Variants in PDIK1L observed in about 807,000 individuals in gnomAD.
The protein encoded by PDIK1L is serine/threonine-protein kinase PDIK1L.
In PDIK1L, 9 loss-of-function variants were observed where a neutral mutation model predicts 27.1. The ratio of observed to expected loss-of-function variants is 0.33; its 90% CI spans 0.20 to 0.58. The LOEUF (loss-of-function observed/expected upper bound fraction) is 0.58, where lower values mean the gene tolerates loss of function less well. PDIK1L is among the 20% of genes least tolerant of loss of function. The probability of loss-of-function intolerance (pLI) is 0.86; values close to 1 mark genes in which losing one functional copy is unlikely to be tolerated. For missense variants in PDIK1L, 216 were observed against 413.2 expected (o/e 0.52, Z 4.14); for synonymous variants, 130 against 141.7 (o/e 0.92, Z 0.59).
At chr1:26,112,845 C>G (rs2087819176) in intron 1 of PDIK1L, among the ~76,000 whole-genome samples, 1 of 152,242 alleles carries the variant, frequency 6.6e-6, no homozygotes, top group African/African-American at 2.4e-5. Flanking sequence ...TGGTCACAAT[C>G]TACAAATGAG....
At chr1:26,119,645 G>A (rs892714813) in intron 2 of PDIK1L, among the ~76,000 whole-genome samples, 2 of 152,142 alleles carry the variant, frequency 1.3e-5, no homozygotes, top group African/African-American at 2.4e-5. Context: ...CGGATCACAA[G>A]GTCAATACAT....
intron 2 of PDIK1L, among the ~76,000 whole-genome samples, chr1:26,119,814 G>A (rs766239695): frequency 7.9e-5 from 12 of 152,208 alleles, no homozygotes; most frequent in East Asian, 7.7e-4. Context: ...AGCCGAGATC[G>A]CGCCACTGCA....
In PDIK1L at chr1:26,114,566, C is replaced by T. The variant is rs370757336; in HGVS notation, c.258C>T (p.His86=). ...QKDGMVQKMS[H]GSNSSLYLQL... is the part of the protein sequence containing the mutation. Reference sequence around the variant, plus strand: ...ATGGGATGGTGCAAAAGATGTCCCACGGCTCTAATTCTTCCCTTTATTTAC... The same window carrying T: ...ATGGGATGGTGCAAAAGATGTCCCATGGCTCTAATTCTTCCCTTTATTTAC... Residue 86 remains histidine, a synonymous_variant, in exon 2 of 3, where the codon CAC becomes CAT. Coordinates refer to ENST00000374269, the MANE Select transcript of PDIK1L (RefSeq NM_152835.5). The surrounding 1 kb of genome is among the most constrained non-coding windows in gnomAD (Gnocchi z 4.8). The T allele has an allele frequency of 1.0e-4, 164 of 1,613,832 alleles. No individual in the cohort carries two copies. The highest frequency in any genetic ancestry group is 1.3e-4 in the Non-Finnish European group (156 of 1,179,880).
At chr1:26,113,095 C>T (rs17257100) in intron 1 of PDIK1L, among the ~76,000 whole-genome samples, 25,199 of 152,108 alleles carry the variant, frequency 0.17, 2,265 homozygotes, top group Middle Eastern at 0.23. Flanking sequence ...TGTCTTATGA[C>T]TAGGAAAAAG....
chr1:26,121,754 T>C lies in PDIK1L; in HGVS notation c.286-83T>C, dbSNP rs1464363795. 4 of 1,398,262 alleles carry C rather than the reference T, an allele frequency of 2.9e-6. No individual in the cohort carries two copies. In the South Asian group the frequency reaches 4.3e-5, roughly 15 times the overall value. The allele number at this position is 1,398,262 out of a possible 1,614,324, so 86.6% of individuals were successfully genotyped here. On this transcript the variant is annotated intron_variant, in intron 2 of 2. Coordinates refer to ENST00000374269, the MANE Select transcript of PDIK1L (RefSeq NM_152835.5). ...TTTCCACTTAAAGGTGGAGACTGAC[T>C]TAACCTTTCAATTATTATTTTCCTA... is the stretch of plus-strand genomic sequence containing the variant.
chr1:26,121,194 C>T (rs2087980895), intron 2 of PDIK1L, among the ~76,000 whole-genome samples: 1 of 151,914 alleles, frequency 6.6e-6, no homozygotes, highest in African/African-American at 2.4e-5. Context: ...TTAAAAAATG[C>T]CTATTTGATT....
Position 26,123,880 on chromosome 1 carries a change from G to C in PDIK1L, c.*1303G>C. ...CCATTATTCCTCTTGAAGTTAGTTT[G>C]ATTTTATCTTTGTATGGTTGTCTAC... On this transcript the variant is annotated 3_prime_UTR_variant, in exon 3 of 3. Coordinates refer to ENST00000374269, the MANE Select transcript of PDIK1L (RefSeq NM_152835.5). 6.6e-6 allele frequency: 1 copy of C among 152,518 alleles called. No individual in the cohort carries two copies. The highest frequency in any genetic ancestry group is 1.5e-5 in the Non-Finnish European group (1 of 67,992). 9.4% of individuals were successfully genotyped at this position (152,518 alleles called of 1,614,324 possible).
Position 26,114,691 on chromosome 1 carries a change from C to T in PDIK1L, c.285+98C>T. ...TCAGACGAACGTTTCCCTTTAAATG[C>T]AGGTGTTTGTAGTTAGAAGTAGATA... On this transcript the variant is annotated intron_variant, in intron 2 of 2. Coordinates refer to ENST00000374269, the MANE Select transcript of PDIK1L (RefSeq NM_152835.5). This position sits in a 1 kb window ranked among gnomAD's most constrained non-coding sequence, Gnocchi z 4.8. 1 of 1,333,546 alleles carries T rather than the reference C, an allele frequency of 7.5e-7. No individual in the cohort carries two copies. Among genetic ancestry groups the T allele is most frequent in the Non-Finnish European group, 1.0e-6 (1 of 968,264 alleles). 82.6% of individuals were successfully genotyped at this position (1,333,546 alleles called of 1,614,324 possible). A position where few individuals can be genotyped will look rare whatever the true frequency, so the allele number is the denominator to read the frequency against.
intron 2 of PDIK1L, among the ~76,000 whole-genome samples, chr1:26,120,884 G>A (rs1223824470): frequency 6.6e-6 from 1 of 151,312 alleles, no homozygotes; most frequent in African/African-American, 2.4e-5. Flanking sequence ...CCTGGGAGGC[G>A]GAGGTTGCAG....
Position 26,116,632 on chromosome 1 carries a change from C to T in PDIK1L, c.285+2039C>T, listed in dbSNP as rs187416361. Among the ~76,000 whole-genome samples the T allele has an allele frequency of 1.1e-3, 170 of 152,306 alleles. 1 individual carries two copies. The South Asian group carries it at 0.013, about 12-fold the overall frequency. ...TAAGAAACTTGCAAGTTTCCTTGTA[C>T]GATGAGCAGTATTAGTCTTGAGAAC... On this transcript the variant is annotated intron_variant, in intron 2 of 2. Transcript: ENST00000374269.
intron 2 of PDIK1L, among the ~76,000 whole-genome samples, chr1:26,118,772 A>C (rs1438621014): frequency 2.6e-5 from 4 of 152,246 alleles, no homozygotes; most frequent in Non-Finnish European, 5.9e-5. Context: ...TGCCCTCTCT[A>C]AATTTACATC....
At chr1:26,120,097 C>A (rs2783620) in intron 2 of PDIK1L, among the ~76,000 whole-genome samples, 148,226 of 152,314 alleles carry the variant, frequency 0.97, 72,247 homozygotes, top group East Asian at 1. Context: ...TCTCAGCCAG[C>A]GGCCCCGTGG....
Position 26,114,649 on chromosome 1 carries a change from G to T in PDIK1L, c.285+56G>T. ...ATTTGAACATGGCATTGGCCAGCAA[G>T]AAGAGGAATGAAAGGGTCAGACGAA... On this transcript the variant is annotated intron_variant, in intron 2 of 2. Coordinates refer to ENST00000374269, the MANE Select transcript of PDIK1L (RefSeq NM_152835.5). The surrounding 1 kb of genome is among the most constrained non-coding windows in gnomAD (Gnocchi z 4.8). 6.4e-7 allele frequency: 1 copy of T among 1,569,930 alleles called. No individual in the cohort carries two copies. Among genetic ancestry groups the T allele is most frequent in the Non-Finnish European group, 8.7e-7 (1 of 1,150,078 alleles).
Position 26,119,523 on chromosome 1 carries a change from CTG to C in PDIK1L, c.286-2312_286-2311del, listed in dbSNP as rs551857705. Among the ~76,000 whole-genome samples, 52 of 152,118 alleles carry C rather than the reference CTG, an allele frequency of 3.4e-4. 1 individual carries two copies. In the South Asian group the frequency reaches 8.7e-3, roughly 26 times the overall value. The stretch of plus-strand genomic sequence containing the variant: ...GAAAAATTTCCTAGGCAGAAAAAAA[CTG>C]TACATACAAAGGTCGTGAAGCAAAA... On this transcript the variant is annotated intron_variant, in intron 2 of 2. Transcript: ENST00000374269.
intron 2 of PDIK1L, among the ~76,000 whole-genome samples, chr1:26,119,426 A>T (rs558318435): frequency 1.8e-4 from 27 of 146,736 alleles, no homozygotes; most frequent in Middle Eastern, 6.8e-3. Flanking sequence ...TCTCTCTCTC[A>T]CACACACACA....
rs1055116841 is a variant in PDIK1L, at chr1:26,121,637, A to G, written c.286-200A>G. On this transcript the variant is annotated intron_variant, in intron 2 of 2. Coordinates refer to ENST00000374269, the MANE Select transcript of PDIK1L (RefSeq NM_152835.5). The stretch of plus-strand genomic sequence containing the variant: ...ACCCCTTGGTTTAGAGCTTTGGTGT[A>G]TATTTATCAGGGACAAAATGACAAG... 2.6e-5 allele frequency among the ~76,000 whole-genome samples: 4 copies of G among 152,238 alleles called. No individual in the cohort carries two copies. The South Asian group carries it at 6.2e-4, about 24-fold the overall frequency.
chr1:26,117,611 C>T (rs564776152), intron 2 of PDIK1L, among the ~76,000 whole-genome samples: 23 of 152,118 alleles, frequency 1.5e-4, no homozygotes, highest in African/African-American at 5.3e-4. Context: ...GGTGTGGCAG[C>T]GTGTGCCTGT....
intron 2 of PDIK1L, among the ~76,000 whole-genome samples, chr1:26,116,128 A>G (rs1178887472): frequency 1.3e-5 from 2 of 150,914 alleles, no homozygotes; most frequent in Admixed American, 6.6e-5. Context: ...TCTTGAATCC[A>G]GGAGGCAGAG....
chr1:26,112,099 G>GGCCCTCA (rs577840204), intron 1 of PDIK1L, among the ~76,000 whole-genome samples, 184 bp downstream of exon 1: 196 of 152,254 alleles, frequency 1.3e-3, no homozygotes, highest in Admixed American at 2.4e-3. Flanking sequence ...ACCTCCCCCC[G>GGCCCTCA]GCCCTCAGCC....
Sources: gnomAD v4.1 joint callset for allele counts (sites outside exome capture counted in the v4.1 genomes callset) on GRCh38, gnomAD v4.1.1 for gene constraint, Gnocchi (gnomAD v3.1) non-coding constraint, MANE v1.5 for transcripts, NCBI Gene and HGNC (gene_info 2026-07-23, HGNC 2026-07-21) for gene names.